TIMM21: variants seen among roughly 807,000 people sequenced by gnomAD.
TIMM21 encodes the protein mitochondrial import inner membrane translocase subunit Tim21.
In TIMM21, 30 loss-of-function variants were observed where a neutral mutation model predicts 27.7. The ratio of observed to expected loss-of-function variants is 1.08; its 90% CI spans 0.81 to 1.47. TIMM21 has a LOEUF of 1.47. TIMM21 is among the 40% of genes most tolerant of loss of function. The pLI, the probability that TIMM21 is intolerant of heterozygous loss-of-function variation, is 0.00. For missense variants in TIMM21, 292 were observed against 302.9 expected (o/e 0.96, Z 0.27); for synonymous variants, 121 against 114.4 (o/e 1.06, Z -0.37).
At chr18:74,155,995 C>T (rs750067825) in intron 3 of TIMM21, among the ~76,000 whole-genome samples, 8 of 152,148 alleles carry the variant, frequency 5.3e-5, no homozygotes, top group Non-Finnish European at 1.0e-4. Flanking sequence ...CTGCCTCTAC[C>T]CTTCCCTGGG....
chr18:74,155,597 T>G, intron 3 of TIMM21, 194 bp downstream of exon 3: 3 of 559,720 alleles, frequency 5.4e-6, no homozygotes, highest in Non-Finnish European at 9.3e-6. Flanking sequence ...ACAGATGTTT[T>G]CATGCTAATT....
intron 3 of TIMM21, chr18:74,156,342 C>G (rs1256410491): frequency 2.5e-6 from 1 of 397,894 alleles, no homozygotes; most frequent in Non-Finnish European, 4.4e-6. Flanking sequence ...GAGCCCGGTG[C>G]TGATCTTCCC....
At position 74,158,693 on chromosome 18, in the gene TIMM21, C is replaced by T. The variant is rs1008359436; in HGVS notation, c.*213C>T. On this transcript the variant is annotated 3_prime_UTR_variant, in exon 6 of 6. Coordinates refer to ENST00000169551, the MANE Select transcript of TIMM21 (RefSeq NM_014177.3). The stretch of plus-strand genomic sequence containing the variant: ...TTTTATGTTCTCCCATTGACTCAAT[C>T]ATGACAATATTTCTGCTTTAACACC... The T allele has an allele frequency of 8.9e-6, 4 of 451,598 alleles. No homozygotes were observed. Among genetic ancestry groups the T allele is most frequent in the African/African-American group, 8.1e-5 (4 of 49,470 alleles). 28.0% of individuals were successfully genotyped at this position (451,598 alleles called of 1,614,324 possible).
intron 1 of TIMM21, among the ~76,000 whole-genome samples, chr18:74,150,165 G>T (rs1215765714): frequency 6.6e-6 from 1 of 152,172 alleles, no homozygotes; most frequent in Non-Finnish European, 1.5e-5. Flanking sequence ...CAGCTTCTCT[G>T]ACCAAGCCTT....
chr18:74,154,410 C>T (rs970088031), intron 1 of TIMM21, among the ~76,000 whole-genome samples: 4 of 152,146 alleles, frequency 2.6e-5, no homozygotes, highest in African/African-American at 9.7e-5. Flanking sequence ...TACAGGCGCC[C>T]GCCACTGCGC....
chr18:74,149,296 G>T (rs60955180), intron 1 of TIMM21, among the ~76,000 whole-genome samples, 187 bp downstream of exon 1: 13,347 of 152,246 alleles, frequency 0.088, 1,079 homozygotes, highest in African/African-American at 0.21. Context: ...GAACTCAGAT[G>T]TGAAAGTTGA....
Position 74,149,063 on chromosome 18 carries a change from G to A in TIMM21, c.255G>A (p.Val85=), listed in dbSNP as rs569608689. Residue 85 remains valine, a synonymous_variant, in exon 1 of 6, where the codon GTG becomes GTA. Transcript: ENST00000169551. ...AGGATGGCAGCAAACAAGTGTCTGTGCACAGGAGTCAGAGAGGGGGAACCG... is the reference window on the plus strand; with the variant it reads ...AGGATGGCAGCAAACAAGTGTCTGTACACAGGAGTCAGAGAGGGGGAACCG... ...AKEDGSKQVS[V]HRSQRGGTAV... 1.9e-6 allele frequency: 3 copies of A among 1,613,652 alleles called. No individual in the cohort carries two copies. The highest frequency in any genetic ancestry group is 2.2e-5 in the East Asian group (1 of 44,876).
intron 3 of TIMM21, chr18:74,157,017 G>A (rs1431304256): frequency 6.6e-6 from 1 of 152,170 alleles, no homozygotes. Context: ...CCTGGAAAAT[G>A]TGATACTGAA....
chr18:74,148,758 T>A lies in TIMM21; in HGVS notation c.-51T>A. The A allele has an allele frequency of 2.6e-6, 4 of 1,566,270 alleles. No individual in the cohort carries two copies. Among genetic ancestry groups the A allele is most frequent in the Non-Finnish European group, 3.5e-6 (4 of 1,147,992 alleles). ...CCGCATGTGTAGTGAACCCTAAAGC[T>A]TTCCTAATTGTAGTTAGCATCGTCC... On this transcript the variant is annotated 5_prime_UTR_variant, in exon 1 of 6. Coordinates refer to ENST00000169551, the MANE Select transcript of TIMM21 (RefSeq NM_014177.3).
chr18:74,156,522 A>G (rs1165270648), intron 3 of TIMM21: 3 of 379,156 alleles, frequency 7.9e-6, no homozygotes, highest in African/African-American at 4.1e-5. Flanking sequence ...AAAGTATCTC[A>G]GAGGTGAAAA....
rs1284080036 is a variant in TIMM21, at chr18:74,152,757, C to T, written c.302-2388C>T. Among the ~76,000 whole-genome samples, 3 of 152,134 alleles carry T rather than the reference C, an allele frequency of 2.0e-5. No homozygotes were observed. The highest frequency in any genetic ancestry group is 7.2e-5 in the African/African-American group (3 of 41,432). ...TGGCTTCCCAGGGAAGTGGGATTTG[C>T]GTAAGGTTTATCAGGGAGTGCTCTC... On this transcript the variant is annotated intron_variant, in intron 1 of 5. Transcript: ENST00000169551. This position sits in a 1 kb window ranked among gnomAD's most constrained non-coding sequence, Gnocchi z 4.1.
At chr18:74,155,046 C>A in intron 1 of TIMM21, 99 bp from the exon 2 acceptor site, 1 of 1,179,980 alleles carries the variant, frequency 8.5e-7, no homozygotes, top group South Asian at 1.3e-5. Flanking sequence ...TTGCTTTGAT[C>A]TGGAGGCTGC....
At chr18:74,155,113 ACCCGT>A in intron 1 of TIMM21, 27 bp from the exon 2 acceptor site, 1 of 1,609,624 alleles carries the variant, frequency 6.2e-7, no homozygotes, top group East Asian at 2.2e-5. Context: ...CCCAGCCGGC[ACCCGT>A]AACCCATTGG....
At chr18:74,151,946 C>CT (rs896482172) in intron 1 of TIMM21, among the ~76,000 whole-genome samples, 1 of 140,616 alleles carries the variant, frequency 7.1e-6, no homozygotes, top group African/African-American at 3.1e-5. Flanking sequence ...TTCCCCCCCC[C>CT]CCCGGGGGGA....
rs1018449657 is a variant in TIMM21 at position 74,158,695 on chromosome 18, T to C, written c.*215T>C. On this transcript the variant is annotated 3_prime_UTR_variant, in exon 6 of 6. Transcript: ENST00000169551. ...TTATGTTCTCCCATTGACTCAATCA[T>C]GACAATATTTCTGCTTTAACACCAT... 2.2e-6 allele frequency: 1 copy of C among 448,962 alleles called. No homozygotes were observed. Among genetic ancestry groups the C allele is most frequent in the Non-Finnish European group, 4.0e-6 (1 of 250,388 alleles). 27.8% of individuals were successfully genotyped at this position (448,962 alleles called of 1,614,324 possible).
At chr18:74,155,070 G>C (rs1346841334) in intron 1 of TIMM21, 75 bp from the exon 2 acceptor site, 1 of 1,460,578 alleles carries the variant, frequency 6.8e-7, no homozygotes, top group Non-Finnish European at 9.6e-7. Context: ...TCTCTCGCAA[G>C]AAGTGCAAAA....
rs1980017548 is a variant in TIMM21 at position 74,158,478 on chromosome 18, T to C, written c.745T>C (p.Ter249GlnextTer8). 4 of 1,387,366 alleles carry C rather than the reference T, an allele frequency of 2.9e-6. No homozygotes were observed. The East Asian group carries it at 1.1e-4, about 37-fold the overall frequency. 85.9% of individuals were successfully genotyped at this position (1,387,366 alleles called of 1,614,324 possible). A position where few individuals can be genotyped will look rare whatever the true frequency, so the allele number is the denominator to read the frequency against. The change falls in exon 6 of 6, where the codon TAA becomes CAA. Residue 249 changes from the stop codon to glutamine, a stop_lost. Coordinates refer to ENST00000169551, the MANE Select transcript of TIMM21 (RefSeq NM_014177.3). ...IIEDNRSQDD[*>Q] ...TGAAGATAATCGATCCCAAGATGATTAAAATAGGGTTTCTGATGGATGTTG... is the reference window on the plus strand; with the variant it reads ...TGAAGATAATCGATCCCAAGATGATCAAAATAGGGTTTCTGATGGATGTTG...
chr18:74,158,725 C>T lies in TIMM21; in HGVS notation c.*245C>T, dbSNP rs1599211921. ...ATATTTCTGCTTTAACACCATCTTT[C>T]ATGATTAGAAATGTTTGTTATTGGA... On this transcript the variant is annotated 3_prime_UTR_variant, in exon 6 of 6. Transcript: ENST00000169551. The T allele has an allele frequency of 2.6e-6, 1 of 380,094 alleles. No individual in the cohort carries two copies. The highest frequency in any genetic ancestry group is 5.9e-5 in the East Asian group (1 of 17,088). 23.5% of individuals were successfully genotyped at this position (380,094 alleles called of 1,614,324 possible). A position where few individuals can be genotyped will look rare whatever the true frequency, so the allele number is the denominator to read the frequency against.
At position 74,148,701 on chromosome 18, in the gene TIMM21, A is replaced by G; in HGVS notation, c.-108A>G. ...ACGTTTTTGCCTAACACCCCATGTAATGTAAACGTATAGGCTTGAGTACGT... is the reference window on the plus strand; with the variant it reads ...ACGTTTTTGCCTAACACCCCATGTAGTGTAAACGTATAGGCTTGAGTACGT... On this transcript the variant is annotated 5_prime_UTR_variant, in exon 1 of 6. The change abolishes an upstream ATG in the 5' untranslated region. Coordinates refer to ENST00000169551, the MANE Select transcript of TIMM21 (RefSeq NM_014177.3). 8.7e-7 allele frequency: 1 copy of G among 1,149,174 alleles called. No individual in the cohort carries two copies. Among genetic ancestry groups the G allele is most frequent in the Admixed American group, 2.3e-5 (1 of 44,152 alleles). The allele number at this position is 1,149,174 out of a possible 1,614,324, so 71.2% of individuals were successfully genotyped here. A position where few individuals can be genotyped will look rare whatever the true frequency, so the allele number is the denominator to read the frequency against.
Sources: allele counts gnomAD v4.1 joint callset (sites outside exome capture counted in the v4.1 genomes callset), GRCh38; gene constraint gnomAD v4.1.1; non-coding constraint Gnocchi (gnomAD v3.1); transcripts MANE v1.5; gene names NCBI Gene and HGNC (gene_info 2026-07-23, HGNC 2026-07-21).